The following DTX4 variants were observed in gnomAD, a reference collection of about 807,000 sequenced individuals.
DTX4 encodes the protein E3 ubiquitin-protein ligase DTX4.
DTX4 carries 28 observed loss-of-function variants against 57.6 expected under a neutral mutation model. That is an observed-to-expected ratio of 0.49 (90% confidence interval 0.36 to 0.67). DTX4 has a LOEUF of 0.67. DTX4 is among the 30% of genes least tolerant of loss of function. DTX4 has a pLI of 0.00. For synonymous variants in DTX4, 316 were observed against 331.0 expected, an observed-to-expected ratio of 0.95 and a Z score of 0.49; for missense variants, 715 against 836.8, an observed-to-expected ratio of 0.85 and a Z score of 1.80.
At chr11:59,186,685 A>G (rs1477577235) in intron 2 of DTX4, among the ~76,000 whole-genome samples, 1 of 152,162 alleles carries the variant, frequency 6.6e-6, no homozygotes, top group Admixed American at 6.5e-5. Flanking sequence ...AGAAAAGTTA[A>G]CTACCTTAGC....
intron 7 of DTX4, among the ~76,000 whole-genome samples, chr11:59,196,340 T>G (rs1432435606): frequency 1.3e-5 from 2 of 152,196 alleles, no homozygotes; most frequent in Non-Finnish European, 2.9e-5. Flanking sequence ...TGATCATCGA[T>G]GTGGAGGAAA....
chr11:59,199,861 A>G (rs1862720419), intron 8 of DTX4, 88 bp downstream of exon 8: 7 of 1,092,008 alleles, frequency 6.4e-6, no homozygotes, highest in Non-Finnish European at 9.5e-6. Context: ...TTTGCTTCTT[A>G]CAATGCACAG....
intron 5 of DTX4, 93 bp from the exon 6 acceptor site, chr11:59,192,005 G>T: frequency 7.1e-7 from 1 of 1,417,768 alleles, no homozygotes. Flanking sequence ...GAAGAGAAGT[G>T]GTAAGAGCTC....
intron 1 of DTX4, among the ~76,000 whole-genome samples, chr11:59,177,195 AAT>A (rs769149352): frequency 3.9e-5 from 6 of 152,230 alleles, no homozygotes; most frequent in Non-Finnish European, 8.8e-5. Flanking sequence ...CAACAGCTGA[AAT>A]TTGAGTGTAC....
At position 59,178,078 on chromosome 11, in the gene DTX4, G is replaced by T. The variant is rs530061842; in HGVS notation, c.212-3661G>T. Among the ~76,000 whole-genome samples the T allele has an allele frequency of 6.2e-4, 94 of 152,280 alleles. 1 individual carries two copies. Among genetic ancestry groups the T allele is most frequent in the African/African-American group, 2.1e-3 (88 of 41,552 alleles). ...ACAAGAATTTCACCTGGCCAGGACT[G>T]CCCAGGGGGCCTCCTTGAAGAAATA... On this transcript the variant is annotated intron_variant, in intron 1 of 8. Transcript: ENST00000227451.
chr11:59,189,238 AC>A lies in DTX4; in HGVS notation c.1080del (p.Val361SerfsTer6). The A allele has an allele frequency of 1.9e-6, 3 of 1,609,622 alleles. No individual in the cohort carries two copies. The highest frequency in any genetic ancestry group is 2.2e-5 in the East Asian group (1 of 44,530). On this transcript the variant is annotated frameshift_variant, in exon 4 of 9. Transcript: ENST00000227451. LOFTEE classifies it high-confidence loss of function. ...TRPPKLVLHP[P>X]PVSKSEIKSI... The stretch of plus-strand genomic sequence containing the variant: ...GGCCACCAAAGCTGGTCCTACACCC[AC>A]CCCCCGTCAGCAAGAGTGAAATAAA...
Position 59,205,143 on chromosome 11 carries a change from G to C in DTX4, c.*234G>C. 1 of 497,562 alleles carries C rather than the reference G, an allele frequency of 2.0e-6. No homozygotes were observed. The highest frequency in any genetic ancestry group is 3.7e-6 in the Non-Finnish European group (1 of 272,990). The allele number at this position is 497,562 out of a possible 1,614,324, so 30.8% of individuals were successfully genotyped here. A position where few individuals can be genotyped will look rare whatever the true frequency, so the allele number is the denominator to read the frequency against. Reference sequence around the variant, plus strand: ...GGAGATGGGATGAGGGCCATCCTGGGTCTGTTCCCATGGAGTTTTTGGTGC... The same window carrying C: ...GGAGATGGGATGAGGGCCATCCTGGCTCTGTTCCCATGGAGTTTTTGGTGC... On this transcript the variant is annotated 3_prime_UTR_variant, in exon 9 of 9. Transcript: ENST00000227451.
At chr11:59,172,839 G>A in intron 1 of DTX4, 33 bp downstream of exon 1, 2 of 1,482,648 alleles carry the variant, frequency 1.3e-6, no homozygotes, top group Non-Finnish European at 1.8e-6. Context: ...CGCCCCGCCT[G>A]CTCCCACCTT....
upstream of DTX4, among the ~76,000 whole-genome samples, chr11:59,172,094 G>T (rs1862330901): frequency 6.6e-6 from 1 of 151,880 alleles, no homozygotes; most frequent in Non-Finnish European, 1.5e-5. Context: ...CGAAGGGGTG[G>T]GGAGGGAGGG....
chr11:59,191,241 G>A (rs1862594388), intron 5 of DTX4, 66 bp downstream of exon 5: 1 of 1,495,928 alleles, frequency 6.7e-7, no homozygotes, highest in African/African-American at 1.4e-5. Context: ...CTCTTCTGCT[G>A]TTGGTTTCTA....
In DTX4 at chr11:59,199,667, T is replaced by C. The variant is rs754326485; in HGVS notation, c.1537-17T>C. ...ATTTTGAAAAATGCCATTTGCTTGCTTGCTTTCTGCTTTCAGGGACCGGAA... is the reference window on the plus strand; with the variant it reads ...ATTTTGAAAAATGCCATTTGCTTGCCTGCTTTCTGCTTTCAGGGACCGGAA... On this transcript the variant is annotated splice_polypyrimidine_tract_variant and intron_variant, in intron 7 of 8. Transcript: ENST00000227451. 7 of 1,561,592 alleles carry C rather than the reference T, an allele frequency of 4.5e-6. No individual in the cohort carries two copies. In the African/African-American group the frequency reaches 9.5e-5, roughly 21 times the overall value.
chr11:59,173,713 G>A (rs1449253255), intron 1 of DTX4, among the ~76,000 whole-genome samples: 2 of 152,216 alleles, frequency 1.3e-5, no homozygotes, highest in East Asian at 3.9e-4. Flanking sequence ...GCACAAACCC[G>A]CTTCCCAGCT....
Position 59,178,992 on chromosome 11 carries a change from C to G in DTX4, c.212-2747C>G, listed in dbSNP as rs940892312. On this transcript the variant is annotated intron_variant, in intron 1 of 8. Transcript: ENST00000227451. ...ATATTATAGATCCATGGCATAGTTT[C>G]CAGAAGTTCTGGGACAACTCTCAGG... Among the ~76,000 whole-genome samples the G allele has an allele frequency of 4.0e-5, 6 of 151,404 alleles. No homozygotes were observed. The South Asian group carries it at 6.3e-4, about 16-fold the overall frequency.
chr11:59,204,397 G>C (rs1262837355), intron 8 of DTX4, among the ~76,000 whole-genome samples: 9 of 152,182 alleles, frequency 5.9e-5, no homozygotes, highest in Non-Finnish European at 1.0e-4. Context: ...TGTTCACAAC[G>C]TTTAGAGGCA....
At chr11:59,178,684 G>A (rs996862411) in intron 1 of DTX4, among the ~76,000 whole-genome samples, 1 of 152,208 alleles carries the variant, frequency 6.6e-6, no homozygotes, top group African/African-American at 2.4e-5. Context: ...AAACATTGGT[G>A]CACATCAGCA....
At chr11:59,196,262 C>A (rs1457739637) in intron 7 of DTX4, among the ~76,000 whole-genome samples, 1 of 152,198 alleles carries the variant, frequency 6.6e-6, no homozygotes. Flanking sequence ...CTCCTTGAAG[C>A]CCCTATTCTA....
At chr11:59,202,114 AG>A (rs1862747438) in intron 8 of DTX4, among the ~76,000 whole-genome samples, 1 of 152,388 alleles carries the variant, frequency 6.6e-6, no homozygotes, top group East Asian at 1.9e-4. Context: ...AATAAAATGA[AG>A]AAACAACAAA....
At chr11:59,196,201 G>A (rs1862666147) in intron 7 of DTX4, among the ~76,000 whole-genome samples, 1 of 152,212 alleles carries the variant, frequency 6.6e-6, no homozygotes, top group Non-Finnish European at 1.5e-5. Context: ...TTATGGTCCA[G>A]ACATGTTCTA....
intron 8 of DTX4, among the ~76,000 whole-genome samples, chr11:59,202,345 G>A (rs1201836408): frequency 6.6e-6 from 1 of 152,192 alleles, no homozygotes; most frequent in Non-Finnish European, 1.5e-5. Context: ...GAACTGGTTG[G>A]CTTCATGTCT....
Sources: allele counts gnomAD v4.1 joint callset (sites outside exome capture counted in the v4.1 genomes callset), GRCh38; gene constraint gnomAD v4.1.1; transcripts MANE v1.5; gene names NCBI Gene and HGNC (gene_info 2026-07-23, HGNC 2026-07-21).